The following ITGA10 variants were observed in gnomAD, a reference collection of about 807,000 sequenced individuals.
The protein encoded by ITGA10 is integrin subunit alpha 10.
A neutral mutation model predicts 145.2 loss-of-function variants in ITGA10; 105 were observed. The observed-to-expected ratio is 0.72, with a 90% CI of 0.62 to 0.85. The LOEUF (loss-of-function observed/expected upper bound fraction) is 0.85, where lower values mean the gene tolerates loss of function less well. Ranked by LOEUF, ITGA10 falls within the 40% of genes least tolerant of loss-of-function variation. The probability of loss-of-function intolerance (pLI) is 0.00; values close to 1 mark genes in which losing one functional copy is unlikely to be tolerated. For missense variants in ITGA10, 1,317 were observed against 1,444.5 expected, an observed-to-expected ratio of 0.91 and a Z score of 1.43; for synonymous variants, 506 against 557.8, an observed-to-expected ratio of 0.91 and a Z score of 1.31.
In ITGA10 at chr1:145,892,190, G is replaced by A. The variant is rs1343754050; in HGVS notation, c.*608C>T. The A allele has an allele frequency of 6.5e-6, 1 of 152,880 alleles. No individual in the cohort carries two copies. The highest frequency in any genetic ancestry group is 1.5e-5 in the Non-Finnish European group (1 of 68,230). The allele number at this position is 152,880 out of a possible 1,614,324, so 9.5% of individuals were successfully genotyped here. A position where few individuals can be genotyped will look rare whatever the true frequency, so the allele number is the denominator to read the frequency against. ...GTTTCAGGGGGGATGGCAGTTGCCT[G>A]TCTAAAGGCTTCTCTGTTCCTTGGA... On this transcript the variant is annotated 3_prime_UTR_variant, in exon 30 of 30. Transcript: ENST00000369304.
At position 145,901,881 on chromosome 1, in the gene ITGA10, G is replaced by C. The variant is rs1384426427; in HGVS notation, c.1290C>G (p.Tyr430Ter). 3 of 1,614,106 alleles carry C rather than the reference G, an allele frequency of 1.9e-6. No homozygotes were observed. The highest frequency in any genetic ancestry group is 1.3e-5 in the African/African-American group (1 of 75,008). The change falls in exon 11 of 30, where the codon TAC becomes TAG. Residue 430 changes from tyrosine to a stop codon, truncating the protein, a stop_gained. Transcript: ENST00000369304. LOFTEE classifies it high-confidence loss of function. The surrounding 1 kb of genome is among the most constrained non-coding windows in gnomAD (Gnocchi z 4.3). ...FPPALQNHAAYLGYSVSSMLL... is the reference protein window; with the variant it reads ...FPPALQNHAA ...CTGCAACTCTCTGCTGCTCACCCAG[G>C]TAGGCTGCATGGTTCTGCAATGCAG...
chr1:145,901,411 C>A lies in ITGA10; in HGVS notation c.1443+105G>T. ...CTGACAGACTCTGCCAACCAGAATT[C>A]CGCACAGACTTTGGAGGCCTCTCTC... On this transcript the variant is annotated intron_variant, in intron 12 of 29. Coordinates refer to ENST00000369304, the MANE Select transcript of ITGA10 (RefSeq NM_003637.5). The surrounding 1 kb of genome is among the most constrained non-coding windows in gnomAD (Gnocchi z 4.3). 6.7e-7 allele frequency: 1 copy of A among 1,484,844 alleles called. No homozygotes were observed. The allele number at this position is 1,484,844 out of a possible 1,614,324, so 92.0% of individuals were successfully genotyped here.
chr1:145,903,020 C>CA, intron 7 of ITGA10, 59 bp from the exon 8 acceptor site: 1 of 677,618 alleles, frequency 1.5e-6, no homozygotes, highest in Non-Finnish European at 2.2e-6. Context: ...CACACACACA[C>CA]ACATACACAC....
intron 27 of ITGA10, among the ~76,000 whole-genome samples, chr1:145,894,929 AG>A (rs2101750804): frequency 6.6e-6 from 1 of 152,308 alleles, no homozygotes; most frequent in East Asian, 1.9e-4. Context: ...GATTAAATTT[AG>A]GTATCCTGCA....
chr1:145,897,783 AC>A, intron 19 of ITGA10, 31 bp downstream of exon 19: 1 of 1,611,046 alleles, frequency 6.2e-7, no homozygotes, highest in Non-Finnish European at 8.5e-7. Context: ...GTCTCAGGTC[AC>A]CCTGGTTTGC....
rs372227737 is a variant in ITGA10 at position 145,910,000 on chromosome 1, G to A, written c.15C>T (p.Phe5=). Residue 5 remains phenylalanine (F), a synonymous_variant, in exon 1 of 30, where the codon TTC becomes TTT. Transcript: ENST00000369304. ...CCAGGGGCAAGAACAGGTGAGTGAC[G>A]AAGGGGAGTTCCATGCCTGATCGGT... MELP[F]VTHLFLPLVF... 44 of 1,613,078 alleles carry A rather than the reference G, an allele frequency of 2.7e-5. No homozygotes were observed. In the East Asian group the frequency reaches 4.2e-4, roughly 16 times the overall value.
rs782343866 is a variant in ITGA10 at position 145,904,762 on chromosome 1, G to A, written c.531C>T (p.Ser177=). ...DVVIVLDGSN[S]IYPWSEVQTF... ...TCTGAACTTCAGACCAGGGGTAGAT[G>A]CTGTTGGAGCCATCCAAGACAATGA... Residue 177 remains serine (S), a synonymous_variant, in exon 6 of 30, where the codon AGC becomes AGT. Transcript: ENST00000369304. 5 of 1,613,898 alleles carry A rather than the reference G, an allele frequency of 3.1e-6. No homozygotes were observed. In the Admixed American group the frequency reaches 8.3e-5, roughly 27 times the overall value.
chr1:145,906,442 C>T lies in ITGA10; in HGVS notation c.433G>A (p.Val145Met). ...CCCTGAGGCTGGAATGAAGCATCCA[C>T]ACGGGCACATATCCCAGAACTGAAG... is the stretch of plus-strand genomic sequence containing the variant. Reference protein sequence around the residue: ...SVFSSGICARVDASFQPQGSL... With the variant: ...SVFSSGICARMDASFQPQGSL... Residue 145 changes from valine (V) to methionine (M), a missense_variant, in exon 5 of 30, where the codon GTG (valine) becomes ATG (methionine). By Grantham distance (21) the Val-to-Met change is conservative. Coordinates refer to ENST00000369304, the MANE Select transcript of ITGA10 (RefSeq NM_003637.5). 3 of 1,614,128 alleles carry T rather than the reference C, an allele frequency of 1.9e-6. No individual in the cohort carries two copies. Among genetic ancestry groups the T allele is most frequent in the Non-Finnish European group, 2.5e-6 (3 of 1,180,036 alleles).
Position 145,899,049 on chromosome 1 carries a change from A to G in ITGA10, c.2119T>C (p.Trp707Arg), listed in dbSNP as rs1553746654. 1 of 1,614,224 alleles carries G rather than the reference A, an allele frequency of 6.2e-7. No individual in the cohort carries two copies. ...YMRFTASLDE[W>R]TAGARAAFDG... ...AATGCTGCACGTGCCCCAGCAGTCC[A>G]TTCATCCAGTGATGCGGTGAACCTC... Residue 707 changes from tryptophan (W) to arginine (R), a missense_variant, in exon 17 of 30, where the codon TGG becomes CGG. By Grantham distance (101) the Trp-to-Arg change is moderately radical. Transcript: ENST00000369304.
intron 1 of ITGA10, 73 bp downstream of exon 1, chr1:145,909,890 A>G (rs1657661502): frequency 2.3e-6 from 3 of 1,296,298 alleles, no homozygotes; most frequent in African/African-American, 1.5e-5. Flanking sequence ...AATTTTAACT[A>G]TAATGGTCCC....
intron 7 of ITGA10, among the ~76,000 whole-genome samples, chr1:145,903,841 C>T (rs1481279995): frequency 6.6e-6 from 1 of 152,062 alleles, no homozygotes; most frequent in Non-Finnish European, 1.5e-5. Flanking sequence ...AGGCATGCGC[C>T]ACCATGCCTG....
chr1:145,904,760 A>G lies in ITGA10; in HGVS notation c.533T>C (p.Ile178Thr). ...VVIVLDGSNS[I>T]YPWSEVQTFL... Reference sequence around the variant, plus strand: ...GGTCTGAACTTCAGACCAGGGGTAGATGCTGTTGGAGCCATCCAAGACAAT... The same window carrying G: ...GGTCTGAACTTCAGACCAGGGGTAGGTGCTGTTGGAGCCATCCAAGACAAT... Residue 178 changes from isoleucine to threonine, a missense_variant, in exon 6 of 30, where the codon ATC becomes ACC. By Grantham distance (89) the Ile-to-Thr change is moderately conservative (BLOSUM62 -1). Coordinates refer to ENST00000369304, the MANE Select transcript of ITGA10 (RefSeq NM_003637.5). The G allele has an allele frequency of 6.2e-7, 1 of 1,613,966 alleles. No individual in the cohort carries two copies. The highest frequency in any genetic ancestry group is 1.6e-4 in the Middle Eastern group (1 of 6,062).
At chr1:145,900,014 C>T in intron 15 of ITGA10, 43 bp downstream of exon 15, 1 of 1,561,802 alleles carries the variant, frequency 6.4e-7, no homozygotes, top group Non-Finnish European at 8.7e-7. Flanking sequence ...CCTTTAACAG[C>T]TATGCTATGC....
Position 145,907,131 on chromosome 1 carries a change from A to AG in ITGA10, c.183dup (p.Trp62LeufsTer32). The AG allele has an allele frequency of 6.4e-7, 1 of 1,561,400 alleles. No homozygotes were observed. The highest frequency in any genetic ancestry group is 1.9e-5 in the Admixed American group (1 of 51,848). ...CTCCGGTCGCCTGAAGGCCCATCCC[A>AG]GGGGGCGCCCACCAGCATCCTGGGA... On this transcript the variant is annotated frameshift_variant, in exon 3 of 30. Transcript: ENST00000369304. LOFTEE classifies it high-confidence loss of function.
In ITGA10 at chr1:145,906,740, C is replaced by T; in HGVS notation, c.359G>A (p.Gly120Glu). The T allele has an allele frequency of 6.2e-7, 1 of 1,609,646 alleles. No homozygotes were observed. Among genetic ancestry groups the T allele is most frequent in the Non-Finnish European group, 8.5e-7 (1 of 1,175,996 alleles). Residue 120 changes from glycine to glutamate, a missense_variant, in exon 4 of 30, where the codon GGA becomes GAA. Physicochemically the swap from Gly to Glu is moderately conservative, Grantham distance 98. Transcript: ENST00000369304. ...ACCCTCTCCTTAGCTCACCATGAAT[C>T]CCCCATCACCATCTGTCTCTAACAG... ...MSLLETDGDG[G>E]FMACAPLWSR...
Position 145,906,773 on chromosome 1 carries a change from C to T in ITGA10, c.326G>A (p.Gly109Glu), listed in dbSNP as rs1657200588. Residue 109 changes from glycine to glutamate, a missense_variant, in exon 4 of 30, where the codon GGG (glycine) becomes GAG (glutamate). Transcript: ENST00000369304. ...SSHPAVNMHL[G>E]MSLLETDGDG... Reference sequence around the variant, plus strand: ...ACCATCTGTCTCTAACAGAGACATCCCCAGGTGCATATTCACAGCAGGATG... The same window carrying T: ...ACCATCTGTCTCTAACAGAGACATCTCCAGGTGCATATTCACAGCAGGATG... The T allele has an allele frequency of 1.9e-6, 3 of 1,613,866 alleles. No homozygotes were observed. The highest frequency in any genetic ancestry group is 2.5e-6 in the Non-Finnish European group (3 of 1,179,830).
rs1656230017 is a variant in ITGA10, at chr1:145,900,993, G to C, written c.1588C>G (p.Gln530Glu). The C allele has an allele frequency of 6.2e-7, 1 of 1,614,106 alleles. No individual in the cohort carries two copies. The change falls in exon 14 of 30, where the codon CAG becomes GAG. Residue 530 changes from glutamine to glutamate, a missense_variant and splice_region_variant. Coordinates refer to ENST00000369304, the MANE Select transcript of ITGA10 (RefSeq NM_003637.5). ...GTTCCTTGGAGGGTCAGCAAGGACT[G>C]CTGGTGGAGGAGAGAAGATAGAAGA... ...GRVYVYLVGQ[Q>E]SLLTLQGTLQ... is the part of the protein sequence containing the mutation.
At chr1:145,895,739 C>G (rs782254979) in intron 25 of ITGA10, 28 bp from the exon 26 acceptor site, 4 of 1,608,552 alleles carry the variant, frequency 2.5e-6, no homozygotes, top group Admixed American at 1.7e-5. Flanking sequence ...TTGAAAGACC[C>G]TCCTGATGGG....
chr1:145,903,024 TAC>T (rs55794832), intron 7 of ITGA10, 63 bp from the exon 8 acceptor site: 121,649 of 368,656 alleles, frequency 0.33, 9,239 homozygotes, highest in East Asian at 0.44. Context: ...CACACACACA[TAC>T]ACACACACAC....
Sources: gnomAD v4.1 joint callset for allele counts (sites outside exome capture counted in the v4.1 genomes callset) on GRCh38, gnomAD v4.1.1 for gene constraint, Gnocchi (gnomAD v3.1) non-coding constraint, MANE v1.5 for transcripts, NCBI Gene and HGNC (gene_info 2026-07-23, HGNC 2026-07-21) for gene names.